Variants in ESR2 observed in about 807,000 individuals in gnomAD.
ESR2 encodes the protein estrogen receptor 2, also known as estrogen receptor beta.
In ESR2, 36 loss-of-function variants were observed where a neutral mutation model predicts 49.6. The observed-to-expected ratio is 0.73, with a 90% CI of 0.56 to 0.96. The LOEUF is 0.96. Ranked by LOEUF, ESR2 falls within the 40% of genes least tolerant of loss-of-function variation. The pLI is 0.00. For missense variants in ESR2, 714 were observed against 693.0 expected (o/e 1.03, Z -0.34); for synonymous variants, 320 against 266.1 (o/e 1.20, Z -1.97).
At chr14:64,296,011 T>C (rs1359844661), upstream of ESR2, among the ~76,000 whole-genome samples, 1 of 132,846 alleles carries the variant, frequency 7.5e-6, no homozygotes, top group Non-Finnish European at 1.5e-5. Flanking sequence ...GCCACTGCAT[T>C]CCAGCCTGGG....
chr14:64,302,343 T>A (rs917240898), intron 1 of ESR2, among the ~76,000 whole-genome samples: 1 of 151,192 alleles, frequency 6.6e-6, no homozygotes, highest in Admixed American at 6.6e-5. Context: ...CCTGCCACCA[T>A]GCCCGGCTAA....
At chr14:64,273,806 A>G (rs1051602177) in intron 3 of ESR2, among the ~76,000 whole-genome samples, 2 of 151,766 alleles carry the variant, frequency 1.3e-5, no homozygotes, top group Non-Finnish European at 2.9e-5. Flanking sequence ...GTCTCACGGA[A>G]TGATTTTGAA....
chr14:64,257,465 A>C (rs1268767686), intron 5 of ESR2, 101 bp from the exon 6 acceptor site: 4 of 1,416,576 alleles, frequency 2.8e-6, no homozygotes, highest in Non-Finnish European at 3.9e-6. Flanking sequence ...AAGAAAACAC[A>C]AACCATTAGG....
chr14:64,337,872 A>T (rs972507920), intron 1 of ESR2: 1 of 152,232 alleles, frequency 6.6e-6, no homozygotes, highest in African/African-American at 2.4e-5. Flanking sequence ...TATCTGGTCA[A>T]GTCCTAAGTG....
At chr14:64,316,684 C>G (rs1398492454) in intron 1 of ESR2, among the ~76,000 whole-genome samples, 1 of 151,976 alleles carries the variant, frequency 6.6e-6, no homozygotes, top group Admixed American at 6.6e-5. Flanking sequence ...TGGCACGCAC[C>G]TGTGGTACCA....
chr14:64,313,058 T>C (rs1362575902), intron 1 of ESR2, among the ~76,000 whole-genome samples: 3 of 152,172 alleles, frequency 2.0e-5, no homozygotes, highest in South Asian at 2.1e-4. Context: ...GGAAAAAATA[T>C]GTTATGCAAA....
chr14:64,255,184 G>T (rs2140703605), intron 6 of ESR2, among the ~76,000 whole-genome samples: 1 of 152,158 alleles, frequency 6.6e-6, no homozygotes, highest in South Asian at 2.1e-4. Flanking sequence ...CATCAATTTA[G>T]AAATCAAGAC....
intron 3 of ESR2, among the ~76,000 whole-genome samples, chr14:64,276,389 A>C (rs72722317): frequency 0.071 from 10,806 of 152,328 alleles, 445 homozygotes; most frequent in Non-Finnish European, 0.083. Context: ...ACTAATAAAG[A>C]GAAGCAAATT....
chr14:64,247,673 G>T (rs1338675166), intron 7 of ESR2, among the ~76,000 whole-genome samples: 1 of 152,166 alleles, frequency 6.6e-6, no homozygotes, highest in Non-Finnish European at 1.5e-5. Flanking sequence ...ATAACCTAAA[G>T]GCTCGACAAG....
intron 7 of ESR2, among the ~76,000 whole-genome samples, chr14:64,239,501 T>C (rs968105606): frequency 2.0e-5 from 3 of 152,278 alleles, no homozygotes; most frequent in African/African-American, 7.2e-5. Flanking sequence ...TTGTTTCTAA[T>C]TTAAAATATT....
chr14:64,267,143 T>C (rs943876118), intron 4 of ESR2, among the ~76,000 whole-genome samples: 3 of 152,236 alleles, frequency 2.0e-5, no homozygotes, highest in African/African-American at 7.2e-5. Flanking sequence ...CCTCCCAAAG[T>C]GCTGGGATTA....
chr14:64,302,247 C>T (rs186167485), intron 1 of ESR2, among the ~76,000 whole-genome samples: 151 of 151,260 alleles, frequency 1.0e-3, no homozygotes, highest in Non-Finnish European at 1.8e-3. Flanking sequence ...AGTGCAGTGG[C>T]GCAATCTCGG....
chr14:64,273,934 G>A (rs1025110747), intron 3 of ESR2, among the ~76,000 whole-genome samples: 18 of 129,212 alleles, frequency 1.4e-4, no homozygotes, highest in Middle Eastern at 8.6e-3. Flanking sequence ...TTTCTTTGCT[G>A]AGAGACTTTT....
chr14:64,314,099 T>C (rs375179156), intron 1 of ESR2, among the ~76,000 whole-genome samples: 4 of 151,946 alleles, frequency 2.6e-5, no homozygotes, highest in African/African-American at 7.2e-5. Flanking sequence ...ATGCAAGAAA[T>C]AGTAAGATAG....
intron 1 of ESR2, among the ~76,000 whole-genome samples, chr14:64,286,720 G>T (rs867484203): frequency 6.6e-6 from 1 of 151,312 alleles, no homozygotes; most frequent in African/African-American, 2.4e-5. Flanking sequence ...TTCTAAAGTG[G>T]TTTTTTGTTT....
In ESR2 at chr14:64,273,320, T is replaced by A. The variant is rs1044293347; in HGVS notation, c.536-4409A>T. Among the ~76,000 whole-genome samples the A allele has an allele frequency of 2.0e-5, 3 of 152,316 alleles. No homozygotes were observed. In the South Asian group the frequency reaches 6.2e-4, roughly 32 times the overall value. ...ATGCCCTTTATTTCTCTTTTCTGAT[T>A]GCTCTAGCTAGGACTTCCAGTACTA... On this transcript the variant is annotated intron_variant, in intron 3 of 8. Coordinates refer to ENST00000341099, the MANE Select transcript of ESR2 (RefSeq NM_001437.3).
At position 64,232,910 on chromosome 14, in the gene ESR2, T is replaced by C; in HGVS notation, c.*227A>G. 1 of 774,526 alleles carries C rather than the reference T, an allele frequency of 1.3e-6. No individual in the cohort carries two copies. Among genetic ancestry groups the C allele is most frequent in the Non-Finnish European group, 1.9e-6 (1 of 535,414 alleles). The allele number at this position is 774,526 out of a possible 1,614,324, so 48.0% of individuals were successfully genotyped here. A position where few individuals can be genotyped will look rare whatever the true frequency, so the allele number is the denominator to read the frequency against. Reference sequence around the variant, plus strand: ...TGAGATCCTATGAGGCCATTGAGTGTGGAAACGCTGCATTCAAATGTGCCC... The same window carrying C: ...TGAGATCCTATGAGGCCATTGAGTGCGGAAACGCTGCATTCAAATGTGCCC... On this transcript the variant is annotated 3_prime_UTR_variant, in exon 9 of 9. Transcript: ENST00000341099.
intron 1 of ESR2, among the ~76,000 whole-genome samples, chr14:64,313,718 A>T (rs186717419): frequency 1.1e-3 from 170 of 151,754 alleles, no homozygotes; most frequent in African/African-American, 3.9e-3. Flanking sequence ...TCTACCAAAA[A>T]TACAAAAAAA....
chr14:64,323,568 G>T (rs770902992), intron 1 of ESR2, among the ~76,000 whole-genome samples: 1 of 152,194 alleles, frequency 6.6e-6, no homozygotes, highest in Non-Finnish European at 1.5e-5. Context: ...TATTTGCATG[G>T]ATTAACCATT....
Sources: allele counts gnomAD v4.1 joint callset (sites outside exome capture counted in the v4.1 genomes callset), GRCh38; gene constraint gnomAD v4.1.1; transcripts MANE v1.5; gene names NCBI Gene and HGNC (gene_info 2026-07-23, HGNC 2026-07-21).